The following RAB38 variants were observed in gnomAD, a reference collection of about 807,000 sequenced individuals.
RAB38 encodes RAB38, member RAS oncogene family.
Under a neutral mutation model 18.4 loss-of-function variants are expected in RAB38, and 15 were observed. The ratio of observed to expected loss-of-function variants is 0.82; its 90% CI spans 0.55 to 1.26. The LOEUF (loss-of-function observed/expected upper bound fraction) is 1.26. Among genes scored for constraint, RAB38 ranks in the 50% most tolerant of loss-of-function variants. The pLI is 0.00. For missense variants in RAB38, 294 were observed against 267.4 expected (o/e 1.10, Z -0.69); for synonymous variants, 101 against 104.4 (o/e 0.97, Z 0.20).
chr11:88,138,674 G>C (rs930149912), intron 2 of RAB38, among the ~76,000 whole-genome samples: 1 of 151,906 alleles, frequency 6.6e-6, no homozygotes, highest in Non-Finnish European at 1.5e-5. Flanking sequence ...CATAGTAATA[G>C]CACCTATTTC....
At chr11:87,950,023 C>T in the RAB38 span, among the ~76,000 whole-genome samples, 12 of 152,254 alleles carry the variant, frequency 7.9e-5, no homozygotes, top group Admixed American at 7.2e-4. Context: ...GTGTGGGAGT[C>T]TAAGTTTCTT....
chr11:88,078,752 G>C, the RAB38 span, among the ~76,000 whole-genome samples: 1 of 151,790 alleles, frequency 6.6e-6, no homozygotes, highest in Non-Finnish European at 1.5e-5. Flanking sequence ...TATGAAGAGA[G>C]ATTGCAATCA....
At chr11:87,847,332 C>A in the RAB38 span, among the ~76,000 whole-genome samples, 3 of 151,944 alleles carry the variant, frequency 2.0e-5, no homozygotes, top group African/African-American at 7.2e-5. Context: ...TTACAATAGA[C>A]TCTATACATT....
the RAB38 span, among the ~76,000 whole-genome samples, chr11:88,026,150 A>T: frequency 1.3e-5 from 2 of 152,004 alleles, no homozygotes; most frequent in African/African-American, 2.4e-5. Flanking sequence ...TTTTTAGTAG[A>T]GACAGGGTTT....
the RAB38 span, among the ~76,000 whole-genome samples, chr11:87,821,638 T>G: frequency 0.029 from 4,434 of 151,900 alleles, 139 homozygotes; most frequent in African/African-American, 0.076. Context: ...TCACCTGAGG[T>G]CAGGAGTTTG....
chr11:88,093,927 T>C, the RAB38 span, among the ~76,000 whole-genome samples: 2 of 151,888 alleles, frequency 1.3e-5, no homozygotes, highest in Non-Finnish European at 2.9e-5. Flanking sequence ...TCGAAAGGGC[T>C]CCTTGCTAAC....
the RAB38 span, among the ~76,000 whole-genome samples, chr11:88,087,043 T>G: frequency 7.2e-5 from 11 of 152,020 alleles, no homozygotes; most frequent in African/African-American, 2.2e-4. Context: ...CAACTAAGAA[T>G]TAACAGGTAA....
At chr11:87,970,271 C>T in the RAB38 span, among the ~76,000 whole-genome samples, 10 of 151,912 alleles carry the variant, frequency 6.6e-5, no homozygotes, top group African/African-American at 2.4e-4. Flanking sequence ...AACAAAATAT[C>T]AAAATTTTAA....
the RAB38 span, among the ~76,000 whole-genome samples, chr11:88,096,289 C>T: frequency 1.3e-5 from 2 of 151,964 alleles, no homozygotes; most frequent in African/African-American, 4.8e-5. Flanking sequence ...TCCCTCAGGG[C>T]CTTCACATTT....
At chr11:88,138,476 T>C (rs1437478579) in intron 2 of RAB38, among the ~76,000 whole-genome samples, 1 of 152,114 alleles carries the variant, frequency 6.6e-6, no homozygotes, top group East Asian at 1.9e-4. Flanking sequence ...TGTAGAAATC[T>C]AATAAATCAA....
the RAB38 span, among the ~76,000 whole-genome samples, chr11:88,067,145 G>C: frequency 1.3e-5 from 2 of 151,948 alleles, no homozygotes; most frequent in Non-Finnish European, 2.9e-5. Flanking sequence ...AAGAATATGA[G>C]GGAAAATTCA....
chr11:87,972,379 G>A, the RAB38 span, among the ~76,000 whole-genome samples: 2 of 152,072 alleles, frequency 1.3e-5, no homozygotes, highest in South Asian at 2.1e-4. Context: ...CAGTCAAACA[G>A]TGGGGATAAT....
chr11:88,039,661 G>T, the RAB38 span, among the ~76,000 whole-genome samples: 1 of 152,198 alleles, frequency 6.6e-6, no homozygotes, highest in African/African-American at 2.4e-5. Flanking sequence ...AAGAGGGGAA[G>T]GAGAGCCTGA....
At chr11:88,053,604 A>G in the RAB38 span, among the ~76,000 whole-genome samples, 1 of 151,518 alleles carries the variant, frequency 6.6e-6, no homozygotes, top group Non-Finnish European at 1.5e-5. Context: ...ATAAAAACCA[A>G]TAGGAGCTTC....
the RAB38 span, among the ~76,000 whole-genome samples, chr11:88,056,832 A>AATACATACATACATAC: frequency 2.2e-5 from 1 of 45,506 alleles, no homozygotes; most frequent in African/African-American, 4.5e-5. Context: ...TAAATAAATA[A>AATACATACATACATAC]ATACATACAT....
At chr11:87,928,593 C>G in the RAB38 span, among the ~76,000 whole-genome samples, 2 of 151,050 alleles carry the variant, frequency 1.3e-5, no homozygotes, top group Admixed American at 6.6e-5. Context: ...AAATACATAA[C>G]GATATAAAAA....
the RAB38 span, among the ~76,000 whole-genome samples, chr11:88,005,706 T>C: frequency 1.4e-4 from 21 of 151,516 alleles, no homozygotes; most frequent in Non-Finnish European, 2.5e-4. Flanking sequence ...TCCCTGTTTT[T>C]TACAAGTAGT....
the RAB38 span, among the ~76,000 whole-genome samples, chr11:88,036,411 C>T: frequency 2.6e-5 from 4 of 152,142 alleles, no homozygotes; most frequent in Non-Finnish European, 5.9e-5. Flanking sequence ...ATCATTAATG[C>T]TAACAAAAAT....
the RAB38 span, among the ~76,000 whole-genome samples, chr11:88,028,931 A>G: frequency 1.3e-5 from 2 of 152,190 alleles, no homozygotes; most frequent in East Asian, 1.9e-4. Flanking sequence ...TAATTGTCAG[A>G]TTCGCCAAAG....
Sources: allele counts gnomAD v4.1 joint callset (sites outside exome capture counted in the v4.1 genomes callset), GRCh38; gene constraint gnomAD v4.1.1; transcripts MANE v1.5; gene names NCBI Gene and HGNC (gene_info 2026-07-23, HGNC 2026-07-21).